Variants in DUSP5 observed in about 807,000 individuals in gnomAD.
DUSP5 encodes the protein dual specificity phosphatase 5.
A neutral mutation model predicts 33.6 loss-of-function variants in DUSP5; 22 were observed. The ratio of observed to expected loss-of-function variants is 0.66; its 90% CI spans 0.47 to 0.94. The LOEUF (loss-of-function observed/expected upper bound fraction) is 0.94. Among genes scored for constraint, DUSP5 ranks in the 40% least tolerant of loss-of-function variants. The pLI is 0.00. For missense variants in DUSP5, 551 were observed against 522.1 expected (o/e 1.06, Z -0.54); for synonymous variants, 270 against 231.1 (o/e 1.17, Z -1.53).
chr10:110,510,201 C>G lies in DUSP5; in HGVS notation c.930C>G (p.Leu310=). The change falls in exon 4 of 4, where the codon CTC becomes CTG. Residue 310 remains leucine, a synonymous_variant. Coordinates refer to ENST00000369583, the MANE Select transcript of DUSP5 (RefSeq NM_004419.4). ...CCAACTTTGGCTTCATGGGCCAGCT[C>G]CTGCAGTACGAATCTGAGATCCTGC... is the stretch of plus-strand genomic sequence containing the variant. The part of the protein sequence containing the change: ...VSPNFGFMGQ[L]LQYESEILPS... 2 of 1,614,238 alleles carry G rather than the reference C, an allele frequency of 1.2e-6. No individual in the cohort carries two copies. Among genetic ancestry groups the G allele is most frequent in the Non-Finnish European group, 1.7e-6 (2 of 1,180,034 alleles).
At chr10:110,502,593 G>C (rs1860067131) in intron 1 of DUSP5, 128 bp from the exon 2 acceptor site, 2 of 1,132,092 alleles carry the variant, frequency 1.8e-6, no homozygotes, top group South Asian at 3.3e-5. Context: ...TTAATGACCA[G>C]AATCTGTACT....
chr10:110,498,134 TC>T lies in DUSP5; in HGVS notation c.14del (p.Ser5CysfsTer139). On this transcript the variant is annotated frameshift_variant, in exon 1 of 4. Transcript: ENST00000369583. LOFTEE classifies it high-confidence loss of function. MKVTSLDGRQLRKML... is the reference protein window; with the variant it reads MKVTXLDGRQLRKML... The stretch of plus-strand genomic sequence containing the variant: ...CGGCGGCGGCGGCATGAAGGTCACG[TC>T]GCTCGACGGGCGCCAGCTGCGCAAG... The T allele has an allele frequency of 1.4e-6, 2 of 1,438,230 alleles. No individual in the cohort carries two copies. Among genetic ancestry groups the T allele is most frequent in the Non-Finnish European group, 1.8e-6 (2 of 1,089,442 alleles). 89.1% of individuals were successfully genotyped at this position (1,438,230 alleles called of 1,614,324 possible). A position where few individuals can be genotyped will look rare whatever the true frequency, so the allele number is the denominator to read the frequency against.
chr10:110,504,949 T>C (rs1389355567), intron 2 of DUSP5, among the ~76,000 whole-genome samples: 1 of 152,228 alleles, frequency 6.6e-6, no homozygotes, highest in African/African-American at 2.4e-5. Flanking sequence ...GTAGTAAGCA[T>C]GGAGCTCTGG....
In DUSP5 at chr10:110,510,425, A is replaced by G. The variant is rs1173202644; in HGVS notation, c.1154A>G (p.Ter385=). The G allele has an allele frequency of 6.3e-7, 1 of 1,578,596 alleles. No individual in the cohort carries two copies. The highest frequency in any genetic ancestry group is 8.6e-7 in the Non-Finnish European group (1 of 1,160,068). Residue 385 remains the stop codon, a stop_retained_variant, in exon 4 of 4, where the codon TAA becomes TGA. Transcript: ENST00000369583. ...RSPVATATSC[*] The stretch of plus-strand genomic sequence containing the variant: ...CCTGTGGCAACGGCCACATCCTGCT[A>G]AAACTGGGATGGAGGAATCGGCCCA...
chr10:110,498,462 C>G lies in DUSP5; in HGVS notation c.341C>G (p.Ala114Gly), dbSNP rs1348864298. Residue 114 changes from alanine to glycine, a missense_variant, in exon 1 of 4, where the codon GCT becomes GGT. Transcript: ENST00000369583. The part of the protein sequence containing the change: ...AARVVLTSLL[A>G]CLPAGPRVYF... ...CGTGTCGTCCTCACCTCGCTACTCG[C>G]TTGCCTACCCGCCGGCCCGCGGGTC... 1.2e-5 allele frequency: 18 copies of G among 1,541,028 alleles called. No individual in the cohort carries two copies. The highest frequency in any genetic ancestry group is 1.3e-5 in the Non-Finnish European group (15 of 1,152,404).
At position 110,498,515 on chromosome 10, in the gene DUSP5, T is replaced by TCCCTGCCACGCTCGC. The variant is rs778746385; in HGVS notation, c.379+20_379+34dup. On this transcript the variant is annotated intron_variant, in intron 1 of 3. Coordinates refer to ENST00000369583, the MANE Select transcript of DUSP5 (RefSeq NM_004419.4). Reference sequence around the variant, plus strand: ...CTTCCTCAAAGGTGAGCGCTCGGGGTCCCTGCCACGCTCGCCCCTCCGGCG... The same window carrying TCCCTGCCACGCTCGC: ...CTTCCTCAAAGGTGAGCGCTCGGGGTCCCTGCCACGCTCGCCCCTGCCACGCTCGCCCCTCCGGCG... 12 of 1,481,984 alleles carry TCCCTGCCACGCTCGC rather than the reference T, an allele frequency of 8.1e-6. No homozygotes were observed. Among genetic ancestry groups the TCCCTGCCACGCTCGC allele is most frequent in the African/African-American group, 1.4e-5 (1 of 69,184 alleles). The allele number at this position is 1,481,984 out of a possible 1,614,324, so 91.8% of individuals were successfully genotyped here.
rs561749730 is a variant in DUSP5, at chr10:110,502,881, G to C, written c.528+12G>C. The C allele has an allele frequency of 1.7e-5, 28 of 1,614,150 alleles. 1 individual carries two copies. In the South Asian group the frequency reaches 2.5e-4, roughly 15 times the overall value. On this transcript the variant is annotated intron_variant, in intron 2 of 3. Coordinates refer to ENST00000369583, the MANE Select transcript of DUSP5 (RefSeq NM_004419.4). ...CAGCTTATGACCAGGTACGTGATGT[G>C]ATGGGGAAGAGGTATCCTGAGTGGT...
chr10:110,506,172 A>C (rs973028726), intron 2 of DUSP5, among the ~76,000 whole-genome samples: 1 of 152,158 alleles, frequency 6.6e-6, no homozygotes, highest in Non-Finnish European at 1.5e-5. Context: ...GCTCATGCCT[A>C]TAATCCCAGC....
Position 110,498,504 on chromosome 10 carries a change from A to G in DUSP5, c.379+4A>G. The G allele has an allele frequency of 1.3e-6, 2 of 1,511,996 alleles. No individual in the cohort carries two copies. The highest frequency in any genetic ancestry group is 1.4e-5 in the African/African-American group (1 of 70,058). The allele number at this position is 1,511,996 out of a possible 1,614,324, so 93.7% of individuals were successfully genotyped here. A position where few individuals can be genotyped will look rare whatever the true frequency, so the allele number is the denominator to read the frequency against. On this transcript the variant is annotated splice_donor_region_variant and intron_variant, in intron 1 of 3. Transcript: ENST00000369583. ...CCGCGGGTCTACTTCCTCAAAGGTGAGCGCTCGGGGTCCCTGCCACGCTCG... is the reference window on the plus strand; with the variant it reads ...CCGCGGGTCTACTTCCTCAAAGGTGGGCGCTCGGGGTCCCTGCCACGCTCG...
At position 110,498,309 on chromosome 10, in the gene DUSP5, G is replaced by C. The variant is rs2134654053; in HGVS notation, c.188G>C (p.Arg63Pro). The C allele has an allele frequency of 7.0e-7, 1 of 1,426,562 alleles. No individual in the cohort carries two copies. Among genetic ancestry groups the C allele is most frequent in the Admixed American group, 2.3e-5 (1 of 43,524 alleles). 88.4% of individuals were successfully genotyped at this position (1,426,562 alleles called of 1,614,324 possible). A position where few individuals can be genotyped will look rare whatever the true frequency, so the allele number is the denominator to read the frequency against. Residue 63 changes from arginine to proline, a missense_variant, in exon 1 of 4, where the codon CGC becomes CCC. This residue lies in a region of DUSP5 where 381 missense variants were observed against 310.4 expected (regional missense o/e 1.23). Transcript: ENST00000369583. ...GCCCGGGGCGGCGCGGTGTCGGCGC[G>C]CTACGTGCTGCCCGACGAGGCGGCG... ...RRARGGAVSARYVLPDEAARA... is the reference protein window; with the variant it reads ...RRARGGAVSAPYVLPDEAARA...
chr10:110,505,137 G>C (rs2134661436), intron 2 of DUSP5, among the ~76,000 whole-genome samples: 1 of 152,314 alleles, frequency 6.6e-6, no homozygotes, highest in African/African-American at 2.4e-5. Flanking sequence ...TTTCCTTCCT[G>C]TCTTTACCTG....
chr10:110,510,751 A>G lies in DUSP5; in HGVS notation c.*325A>G. ...CAAGCATAAGGCAATAAATACCTGC[A>G]GCAACGTGGGAGAAAGAAGTTGCTG... On this transcript the variant is annotated 3_prime_UTR_variant, in exon 4 of 4. Coordinates refer to ENST00000369583, the MANE Select transcript of DUSP5 (RefSeq NM_004419.4). 1 of 252,830 alleles carries G rather than the reference A, an allele frequency of 4.0e-6. No homozygotes were observed. Among genetic ancestry groups the G allele is most frequent in the East Asian group, 7.4e-5 (1 of 13,552 alleles). 15.7% of individuals were successfully genotyped at this position (252,830 alleles called of 1,614,324 possible).
rs1859992820 is a variant in DUSP5, at chr10:110,498,503, G to C, written c.379+3G>C. The stretch of plus-strand genomic sequence containing the variant: ...CCCGCGGGTCTACTTCCTCAAAGGT[G>C]AGCGCTCGGGGTCCCTGCCACGCTC... On this transcript the variant is annotated splice_donor_region_variant and intron_variant, in intron 1 of 3. Coordinates refer to ENST00000369583, the MANE Select transcript of DUSP5 (RefSeq NM_004419.4). 6.6e-7 allele frequency: 1 copy of C among 1,512,728 alleles called. No homozygotes were observed. Among genetic ancestry groups the C allele is most frequent in the Non-Finnish European group, 8.8e-7 (1 of 1,138,542 alleles). The allele number at this position is 1,512,728 out of a possible 1,614,324, so 93.7% of individuals were successfully genotyped here.
At chr10:110,506,651 A>G (rs1021257452) in intron 2 of DUSP5, among the ~76,000 whole-genome samples, 6 of 152,150 alleles carry the variant, frequency 3.9e-5, no homozygotes, top group African/African-American at 1.4e-4. Flanking sequence ...CAGCGCAGGA[A>G]GGCTGTCGGC....
chr10:110,506,017 G>A (rs1018444212), intron 2 of DUSP5, among the ~76,000 whole-genome samples: 8 of 152,166 alleles, frequency 5.3e-5, no homozygotes, highest in African/African-American at 1.9e-4. Context: ...AAGATTCTGA[G>A]TAGGTAGTGG....
chr10:110,498,371 G>C lies in DUSP5; in HGVS notation c.250G>C (p.Ala84Pro), dbSNP rs1416051851. 5 of 1,412,966 alleles carry C rather than the reference G, an allele frequency of 3.5e-6. No individual in the cohort carries two copies. The allele number at this position is 1,412,966 out of a possible 1,614,324, so 87.5% of individuals were successfully genotyped here. ...CCTGCAGGAGGGCGGCGGCGGCGTC[G>C]CGGCCGTGGTGGTGCTGGACCAGGG... The part of the protein sequence containing the change: ...RLLQEGGGGV[A>P]AVVVLDQGSR... The change falls in exon 1 of 4, where the codon GCG becomes CCG. Residue 84 changes from alanine (A) to proline (P), a missense_variant. Around this residue, in one of 3 missense-constraint regions of DUSP5, gnomAD observed 381 missense variants for 310.4 expected, o/e 1.23. Coordinates refer to ENST00000369583, the MANE Select transcript of DUSP5 (RefSeq NM_004419.4).
Position 110,502,801 on chromosome 10 carries a change from G to A in DUSP5, c.460G>A (p.Glu154Lys). The part of the protein sequence containing the change: ...KPISQEKIES[E>K]RALISQCGKP... ...CATTTCACAAGAGAAGATTGAGAGTGAGAGAGCCCTCATCAGCCAGTGTGG... is the reference window on the plus strand; with the variant it reads ...CATTTCACAAGAGAAGATTGAGAGTAAGAGAGCCCTCATCAGCCAGTGTGG... Residue 154 changes from glutamate (E) to lysine (K), a missense_variant, in exon 2 of 4, where the codon GAG becomes AAG. Physicochemically the swap from Glu to Lys is moderately conservative, Grantham distance 56. Around this residue, in one of 3 missense-constraint regions of DUSP5, gnomAD observed 381 missense variants for 310.4 expected, o/e 1.23. Coordinates refer to ENST00000369583, the MANE Select transcript of DUSP5 (RefSeq NM_004419.4). 1 of 1,614,194 alleles carries A rather than the reference G, an allele frequency of 6.2e-7. No homozygotes were observed. The highest frequency in any genetic ancestry group is 8.5e-7 in the Non-Finnish European group (1 of 1,180,040).
rs571446511 is a variant in DUSP5 at position 110,498,528 on chromosome 10, C to T, written c.379+28C>T. The T allele has an allele frequency of 6.5e-5, 93 of 1,437,478 alleles. No individual in the cohort carries two copies. The African/African-American group carries it at 1.1e-3, about 17-fold the overall frequency. 89.0% of individuals were successfully genotyped at this position (1,437,478 alleles called of 1,614,324 possible). A position where few individuals can be genotyped will look rare whatever the true frequency, so the allele number is the denominator to read the frequency against. On this transcript the variant is annotated intron_variant, in intron 1 of 3. Coordinates refer to ENST00000369583, the MANE Select transcript of DUSP5 (RefSeq NM_004419.4). ...GAGCGCTCGGGGTCCCTGCCACGCT[C>T]GCCCCTCCGGCGCCCCCGGGTCCCC...
At position 110,497,936 on chromosome 10, in the gene DUSP5, G is replaced by A; in HGVS notation, c.-186G>A. ...TCTAGGGCGGCGAGCGGCCGGGCTGGCTATCGAGCGAGCGGGGCGGGAACG... is the reference window on the plus strand; with the variant it reads ...TCTAGGGCGGCGAGCGGCCGGGCTGACTATCGAGCGAGCGGGGCGGGAACG... On this transcript the variant is annotated 5_prime_UTR_variant, in exon 1 of 4. Transcript: ENST00000369583. 2 of 304,274 alleles carry A rather than the reference G, an allele frequency of 6.6e-6. No individual in the cohort carries two copies. The highest frequency in any genetic ancestry group is 9.6e-6 in the Non-Finnish European group (2 of 207,614). The allele number at this position is 304,274 out of a possible 1,614,324, so 18.8% of individuals were successfully genotyped here.
Sources: allele counts gnomAD v4.1 joint callset (sites outside exome capture counted in the v4.1 genomes callset), GRCh38; gene constraint gnomAD v4.1.1; regional missense constraint gnomAD v4.1.1; transcripts MANE v1.5; gene names NCBI Gene and HGNC (gene_info 2026-07-23, HGNC 2026-07-21).